The following VPS50 variants were observed in gnomAD, a reference collection of about 807,000 sequenced individuals.
VPS50 encodes the protein syndetin.
VPS50 carries 70 observed loss-of-function variants against 139.7 expected under a neutral mutation model. That is an observed-to-expected ratio of 0.50 (90% CI 0.41 to 0.61). The LOEUF is 0.61. Among genes scored for constraint, VPS50 ranks in the 20% least tolerant of loss-of-function variants. VPS50 has a pLI of 0.00. For synonymous variants in VPS50, 365 were observed against 376.7 expected (o/e 0.97, Z 0.36); for missense variants, 921 against 1,133.7 (o/e 0.81, Z 2.69).
At chr7:93,282,433 C>G (rs766173556) in intron 12 of VPS50, among the ~76,000 whole-genome samples, 1 of 152,044 alleles carries the variant, frequency 6.6e-6, no homozygotes, top group Admixed American at 6.5e-5. Flanking sequence ...GGATAAATCA[C>G]GAGAAATGAA....
At chr7:93,255,800 G>A (rs1045177931) in intron 4 of VPS50, among the ~76,000 whole-genome samples, 1 of 152,134 alleles carries the variant, frequency 6.6e-6, no homozygotes, top group African/African-American at 2.4e-5. Context: ...GTTGGCCTGG[G>A]GAAGGGGAGC....
chr7:93,261,402 G>A (rs948481588), intron 9 of VPS50, among the ~76,000 whole-genome samples: 2 of 152,126 alleles, frequency 1.3e-5, no homozygotes, highest in Non-Finnish European at 2.9e-5. Context: ...TGTAGGCCGG[G>A]CGCGGTGGCT....
At chr7:93,326,883 T>C (rs1182650754) in intron 21 of VPS50, among the ~76,000 whole-genome samples, 2 of 152,160 alleles carry the variant, frequency 1.3e-5, no homozygotes, top group East Asian at 3.8e-4. Context: ...ACATAATCAT[T>C]TTATATAGGA....
At chr7:93,314,410 C>G (rs1236603780) in intron 20 of VPS50, among the ~76,000 whole-genome samples, 1 of 152,120 alleles carries the variant, frequency 6.6e-6, no homozygotes, top group Non-Finnish European at 1.5e-5. Context: ...AGGCTTTGCA[C>G]TAGTGGAGAG....
intron 6 of VPS50, 188 bp downstream of exon 6, chr7:93,257,652 C>T (rs1480575693): frequency 4.8e-6 from 2 of 418,544 alleles, no homozygotes; most frequent in African/African-American, 4.1e-5. Flanking sequence ...TCTAAGTGTA[C>T]TTATGGGTTT....
At chr7:93,326,097 C>G (rs1449263234) in intron 21 of VPS50, among the ~76,000 whole-genome samples, 3 of 151,888 alleles carry the variant, frequency 2.0e-5, no homozygotes, top group East Asian at 1.9e-4. Flanking sequence ...CACATATACA[C>G]CATAGAATAC....
rs1404253410 is a variant in VPS50 at position 93,258,986 on chromosome 7, T to A, written c.577-564T>A. ...TTTTGTGGTTTTCTGTATAATTGTT[T>A]TATTACTTCTCAACTATTACTGCTA... On this transcript the variant is annotated intron_variant, in intron 8 of 27. Transcript: ENST00000305866. Among the ~76,000 whole-genome samples the A allele has an allele frequency of 2.6e-5, 4 of 152,196 alleles. 1 individual carries two copies. In the Middle Eastern group the frequency reaches 0.01, roughly 388 times the overall value.
chr7:93,248,586 C>G (rs1385533767), intron 2 of VPS50, among the ~76,000 whole-genome samples: 2 of 151,928 alleles, frequency 1.3e-5, no homozygotes, highest in Admixed American at 1.3e-4. Context: ...AGCATATTGT[C>G]TTTTCCTTTC....
In VPS50 at chr7:93,334,190, T is replaced by A; in HGVS notation, c.2051T>A (p.Ile684Asn). ...CTAAACAGAATACAAGAAAGCCTTA[T>A]TGATCTAGTAAGTAACGAATTGGAA... ...TTLNRIQESLIDLEVSADPTA... is the reference protein window; with the variant it reads ...TTLNRIQESLNDLEVSADPTA... The change falls in exon 22 of 28, where the codon ATT becomes AAT. Residue 684 changes from isoleucine (I) to asparagine (N), a missense_variant. Coordinates refer to ENST00000305866, the MANE Select transcript of VPS50 (RefSeq NM_017667.4). 6.5e-7 allele frequency: 1 copy of A among 1,531,046 alleles called. No homozygotes were observed. Among genetic ancestry groups the A allele is most frequent in the Non-Finnish European group, 9.0e-7 (1 of 1,111,376 alleles). 94.8% of individuals were successfully genotyped at this position (1,531,046 alleles called of 1,614,324 possible). A position where few individuals can be genotyped will look rare whatever the true frequency, so the allele number is the denominator to read the frequency against.
chr7:93,288,273 G>T (rs919694104), intron 12 of VPS50, among the ~76,000 whole-genome samples: 4 of 152,100 alleles, frequency 2.6e-5, no homozygotes, highest in Admixed American at 1.3e-4. Flanking sequence ...CTGGCTCATT[G>T]TAAGGGTAGC....
At chr7:93,289,088 C>T (rs1015502703) in intron 12 of VPS50, among the ~76,000 whole-genome samples, 5 of 151,992 alleles carry the variant, frequency 3.3e-5, no homozygotes, top group Admixed American at 2.6e-4. Context: ...TTAGGTGTTT[C>T]ATCCAAGTTT....
chr7:93,241,364 A>G (rs532729786), intron 2 of VPS50, among the ~76,000 whole-genome samples: 1 of 152,240 alleles, frequency 6.6e-6, no homozygotes, highest in African/African-American at 2.4e-5. Flanking sequence ...TGGAGTGGCC[A>G]GTCTGGGATC....
chr7:93,242,395 T>C (rs1418370027), intron 2 of VPS50, among the ~76,000 whole-genome samples: 1 of 151,960 alleles, frequency 6.6e-6, no homozygotes, highest in African/African-American at 2.4e-5. Context: ...TAGCTTTTTA[T>C]AATGGTATTA....
At position 93,303,555 on chromosome 7, in the gene VPS50, G is replaced by C; in HGVS notation, c.1452+5G>C. ...TTCAGCATCTTGCAACTTCATGTAA[G>C]TGTTTCTTAAGAACAAAGAAATCTG... On this transcript the variant is annotated splice_donor_5th_base_variant and intron_variant, in intron 17 of 27. Transcript: ENST00000305866. The C allele has an allele frequency of 7.2e-7, 1 of 1,386,738 alleles. No homozygotes were observed. The highest frequency in any genetic ancestry group is 1.0e-6 in the Non-Finnish European group (1 of 989,832). The allele number at this position is 1,386,738 out of a possible 1,614,324, so 85.9% of individuals were successfully genotyped here.
chr7:93,325,711 G>T (rs1797749862), intron 21 of VPS50, among the ~76,000 whole-genome samples: 1 of 151,924 alleles, frequency 6.6e-6, no homozygotes, highest in Non-Finnish European at 1.5e-5. Context: ...CACCATCACT[G>T]GACATCAGAG....
At chr7:93,320,195 A>G (rs1174361725) in intron 20 of VPS50, among the ~76,000 whole-genome samples, 1 of 152,150 alleles carries the variant, frequency 6.6e-6, no homozygotes, top group Non-Finnish European at 1.5e-5. Flanking sequence ...TTTGTGTGAA[A>G]TATAGGAAAG....
intron 25 of VPS50, among the ~76,000 whole-genome samples, chr7:93,351,118 G>A (rs996321872): frequency 1.3e-5 from 2 of 152,156 alleles, no homozygotes; most frequent in African/African-American, 4.8e-5. Context: ...CTGTGAGGCT[G>A]TCTCCAGACT....
At chr7:93,245,748 A>T (rs1002066896) in intron 2 of VPS50, among the ~76,000 whole-genome samples, 3 of 151,874 alleles carry the variant, frequency 2.0e-5, no homozygotes, top group Admixed American at 2.0e-4. Flanking sequence ...AAAACAGGGT[A>T]GGCTTTAAAA....
intron 9 of VPS50, among the ~76,000 whole-genome samples, chr7:93,266,010 G>T (rs995497772): frequency 2.6e-5 from 4 of 152,180 alleles, no homozygotes; most frequent in Non-Finnish European, 5.9e-5. Flanking sequence ...GTACTTAAGA[G>T]TTGTTGGTTT....
Sources: allele counts gnomAD v4.1 joint callset (sites outside exome capture counted in the v4.1 genomes callset), GRCh38; gene constraint gnomAD v4.1.1; transcripts MANE v1.5; gene names NCBI Gene and HGNC (gene_info 2026-07-23, HGNC 2026-07-21).